The following TTLL7 variants were observed in gnomAD, a reference collection of about 807,000 sequenced individuals.
TTLL7 encodes tubulin tyrosine ligase like 7, also known as tubulin polyglutamylase TTLL7.
In TTLL7, 53 loss-of-function variants were observed where a neutral mutation model predicts 120.2. The ratio of observed to expected loss-of-function variants is 0.44; its 90% confidence interval spans 0.35 to 0.55. The LOEUF is 0.55. Ranked by LOEUF, TTLL7 falls within the 20% of genes least tolerant of loss-of-function variation. The probability of loss-of-function intolerance (pLI) is 0.00; values close to 1 mark genes in which losing one functional copy is unlikely to be tolerated. For missense variants in TTLL7, 803 were observed against 1,054.7 expected (o/e 0.76, Z 3.31); for synonymous variants, 353 against 351.7 (o/e 1.00, Z -0.04).
At chr1:83,966,719 GTTTT>G (rs1036025683) in intron 1 of TTLL7, among the ~76,000 whole-genome samples, 1 of 152,106 alleles carries the variant, frequency 6.6e-6, no homozygotes, top group East Asian at 1.9e-4. Flanking sequence ...TATCCATACT[GTTTT>G]TTTAACATTT....
At chr1:83,945,313 A>T (rs1648379062) in intron 6 of TTLL7, among the ~76,000 whole-genome samples, 1 of 152,230 alleles carries the variant, frequency 6.6e-6, no homozygotes, top group African/African-American at 2.4e-5. Context: ...TGGAAAAGAT[A>T]TTGCAATAAA....
chr1:83,892,930 GAA>G (rs1553129448), intron 18 of TTLL7, among the ~76,000 whole-genome samples: 3 of 94,914 alleles, frequency 3.2e-5, no homozygotes, highest in South Asian at 3.6e-4. Context: ...AAGAAAAAGA[GAA>G]AGAAAGAAAG....
chr1:83,900,381 A>G (rs554441014), intron 18 of TTLL7, among the ~76,000 whole-genome samples: 2 of 152,100 alleles, frequency 1.3e-5, no homozygotes, highest in South Asian at 4.1e-4. Context: ...CTCAAGGGAG[A>G]TCATAAGATA....
chr1:83,957,489 A>C (rs541487281), intron 1 of TTLL7, among the ~76,000 whole-genome samples: 1 of 152,286 alleles, frequency 6.6e-6, no homozygotes, highest in East Asian at 1.9e-4. Flanking sequence ...ACCAGTACAA[A>C]CCAGTATCTA....
intron 3 of TTLL7, among the ~76,000 whole-genome samples, chr1:83,950,755 G>A (rs1648963794): frequency 2.0e-5 from 3 of 152,084 alleles, no homozygotes; most frequent in African/African-American, 7.2e-5. Context: ...AGGTGACAGT[G>A]TACAATCCCA....
At position 83,987,192 on chromosome 1, in the gene TTLL7, CAT is replaced by C. The variant is rs997199842; in HGVS notation, c.-177+11737_-177+11738del. Among the ~76,000 whole-genome samples, 109 of 149,850 alleles carry C rather than the reference CAT, an allele frequency of 7.3e-4. 1 individual carries two copies. Among genetic ancestry groups the C allele is most frequent in the African/African-American group, 2.5e-3 (102 of 40,694 alleles). On this transcript the variant is annotated intron_variant, in intron 1 of 20. Coordinates refer to ENST00000260505, the MANE Select transcript of TTLL7 (RefSeq NM_024686.6). ...AAATATAGGTATAAATCTAAGATAA[CAT>C]GTGCAAGATTTACATAATTAAAATT...
At chr1:83,977,273 A>G (rs1651575064) in intron 1 of TTLL7, among the ~76,000 whole-genome samples, 1 of 152,086 alleles carries the variant, frequency 6.6e-6, no homozygotes, top group African/African-American at 2.4e-5. Context: ...TTAAAATTAG[A>G]GTAGGATAGA....
chr1:83,933,826 T>C, intron 8 of TTLL7, 60 bp from the exon 9 acceptor site: 1 of 1,527,378 alleles, frequency 6.5e-7, no homozygotes, highest in Non-Finnish European at 8.9e-7. Flanking sequence ...TATGTGCAAA[T>C]ATAACCGGGG....
At chr1:83,897,950 G>T (rs756527802) in intron 18 of TTLL7, among the ~76,000 whole-genome samples, 1 of 149,924 alleles carries the variant, frequency 6.7e-6, no homozygotes, top group South Asian at 2.1e-4. Context: ...AGCTTTCAAT[G>T]ATTATTGACT....
intron 10 of TTLL7, among the ~76,000 whole-genome samples, chr1:83,925,176 T>G (rs1659009951): frequency 6.6e-6 from 1 of 152,184 alleles, no homozygotes; most frequent in Non-Finnish European, 1.5e-5. Flanking sequence ...AATAGATACC[T>G]CTATCTCCTG....
intron 1 of TTLL7, among the ~76,000 whole-genome samples, chr1:83,978,263 C>T (rs529977013): frequency 2.6e-4 from 39 of 152,152 alleles, no homozygotes; most frequent in African/African-American, 8.4e-4. Context: ...CAAATGTGCC[C>T]GAGGGAATAT....
intron 6 of TTLL7, among the ~76,000 whole-genome samples, chr1:83,946,605 A>T (rs978295361): frequency 6.6e-6 from 1 of 152,222 alleles, no homozygotes; most frequent in African/African-American, 2.4e-5. Flanking sequence ...TAACATGTCC[A>T]GCTCTTGGAA....
chr1:83,888,645 A>G (rs1331834792), intron 19 of TTLL7, among the ~76,000 whole-genome samples: 2 of 152,008 alleles, frequency 1.3e-5, no homozygotes, highest in African/African-American at 4.8e-5. Context: ...ATCTAATCAG[A>G]TATTAAATGA....
rs1557723207 is a variant in TTLL7, at chr1:83,952,383, G to GGTA, written c.-175_-173dup. On this transcript the variant is annotated 5_prime_UTR_variant, in exon 2 of 21. Coordinates refer to ENST00000260505, the MANE Select transcript of TTLL7 (RefSeq NM_024686.6). ...GGATACCAAAGTTATGGGATAACAA[G>GGTA]GTACCTGCAGTGATTTTAAAACAAG... is the stretch of plus-strand genomic sequence containing the variant. The GGTA allele has an allele frequency of 3.6e-6, 2 of 563,180 alleles. No homozygotes were observed. Among genetic ancestry groups the GGTA allele is most frequent in the African/African-American group, 3.9e-5 (2 of 51,638 alleles). The allele number at this position is 563,180 out of a possible 1,614,324, so 34.9% of individuals were successfully genotyped here. A position where few individuals can be genotyped will look rare whatever the true frequency, so the allele number is the denominator to read the frequency against.
In TTLL7 at chr1:83,865,344, G is replaced by A. The variant is rs543513299; in HGVS notation, c.*4618C>T. On this transcript the variant is annotated 3_prime_UTR_variant, in exon 21 of 21. Coordinates refer to ENST00000260505, the MANE Select transcript of TTLL7 (RefSeq NM_024686.6). The stretch of plus-strand genomic sequence containing the variant: ...TTATTGTATGAACTGAATAGCTCAG[G>A]ACCAAGAATTGCTGTTAGCCTTTGA... 6.6e-6 allele frequency: 1 copy of A among 152,098 alleles called. No individual in the cohort carries two copies. The highest frequency in any genetic ancestry group is 2.1e-4 in the South Asian group (1 of 4,832). 9.4% of individuals were successfully genotyped at this position (152,098 alleles called of 1,614,324 possible).
chr1:83,963,583 T>G lies in TTLL7; in HGVS notation c.-176-11196A>C, dbSNP rs548124612. 2.9e-4 allele frequency among the ~76,000 whole-genome samples: 44 copies of G among 152,274 alleles called. 1 individual carries two copies. In the South Asian group the frequency reaches 8.5e-3, roughly 29 times the overall value. ...TAAAGAAAATTACTTCAAAATTTCC[T>G]TGCATAAAATGCCACAACTCACGTG... On this transcript the variant is annotated intron_variant, in intron 1 of 20. Transcript: ENST00000260505.
chr1:83,898,598 T>C (rs952022420), intron 18 of TTLL7, among the ~76,000 whole-genome samples: 41 of 152,048 alleles, frequency 2.7e-4, no homozygotes, highest in South Asian at 1.0e-3. Context: ...CAACGCACTT[T>C]GACTCATTAT....
At chr1:83,968,855 A>G (rs896711801) in intron 1 of TTLL7, among the ~76,000 whole-genome samples, 1 of 152,072 alleles carries the variant, frequency 6.6e-6, no homozygotes, top group Admixed American at 6.6e-5. Context: ...TCCCTTCAAT[A>G]TAAAGTTGAA....
intron 20 of TTLL7, among the ~76,000 whole-genome samples, chr1:83,878,271 A>G (rs2100701300): frequency 6.6e-6 from 1 of 151,924 alleles, no homozygotes; most frequent in South Asian, 2.1e-4. Flanking sequence ...ACTGAATTCT[A>G]AAGTTAATAC....
Sources: allele counts gnomAD v4.1 joint callset (sites outside exome capture counted in the v4.1 genomes callset), GRCh38; gene constraint gnomAD v4.1.1; transcripts MANE v1.5; gene names NCBI Gene and HGNC (gene_info 2026-07-23, HGNC 2026-07-21).